Variants in RCBTB1 observed in about 807,000 individuals in gnomAD.
The protein encoded by RCBTB1 is RCC1 and BTB domain-containing protein 1.
A neutral mutation model predicts 62.4 loss-of-function variants in RCBTB1; 46 were observed. The observed-to-expected ratio is 0.74, with a 90% CI of 0.58 to 0.94. RCBTB1 has a LOEUF of 0.94. Among genes scored for constraint, RCBTB1 ranks in the 40% least tolerant of loss-of-function variants. RCBTB1 has a pLI of 0.00. For synonymous variants in RCBTB1, 222 were observed against 245.8 expected (o/e 0.90, Z 0.91); for missense variants, 565 against 654.9 (o/e 0.86, Z 1.50).
At chr13:49,585,376 A>T (rs1433866597) in intron 1 of RCBTB1, 68 bp downstream of exon 1, 5 of 151,834 alleles carry the variant, frequency 3.3e-5, no homozygotes, top group Non-Finnish European at 7.4e-5. Flanking sequence ...GCCTGCGGGG[A>T]AGGGAAGCAG....
At chr13:49,563,517 G>C (rs1962641454) in intron 4 of RCBTB1, among the ~76,000 whole-genome samples, 1 of 152,194 alleles carries the variant, frequency 6.6e-6, no homozygotes, top group Non-Finnish European at 1.5e-5. Flanking sequence ...ACAAAAATTA[G>C]CCAGGCATGG....
intron 6 of RCBTB1, among the ~76,000 whole-genome samples, chr13:49,552,794 A>G (rs1594285080): frequency 6.6e-6 from 1 of 151,728 alleles, no homozygotes; most frequent in South Asian, 2.1e-4. Context: ...GGAGAGCAAA[A>G]ACATTCCAAG....
chr13:49,575,870 A>G (rs772719408), intron 2 of RCBTB1, among the ~76,000 whole-genome samples: 1 of 152,120 alleles, frequency 6.6e-6, no homozygotes, highest in African/African-American at 2.4e-5. Context: ...AAACCTGCAT[A>G]TGTACTCCCT....
chr13:49,555,575 C>T lies in RCBTB1; in HGVS notation c.543G>A (p.Lys181=). The part of the protein sequence containing the change: ...PRKVTNCLHI[K]RVVGIACGQT... Reference sequence around the variant, plus strand: ...GACCACAGGCAATGCCAACTACCCTCTTAATATGTAAACAGTTTGTAACTT... The same window carrying T: ...GACCACAGGCAATGCCAACTACCCTTTTAATATGTAAACAGTTTGTAACTT... The change falls in exon 6 of 13, where the codon AAG becomes AAA. Residue 181 remains lysine, a synonymous_variant. Coordinates refer to ENST00000378302, the MANE Select transcript of RCBTB1 (RefSeq NM_018191.4). 1 of 1,613,882 alleles carries T rather than the reference C, an allele frequency of 6.2e-7. No individual in the cohort carries two copies. The highest frequency in any genetic ancestry group is 8.5e-7 in the Non-Finnish European group (1 of 1,179,798).
intron 10 of RCBTB1, among the ~76,000 whole-genome samples, chr13:49,542,411 CTTCCACTACTGT>C (rs1262911974): frequency 6.6e-6 from 1 of 152,118 alleles, no homozygotes; most frequent in Admixed American, 6.5e-5. Context: ...GTACCTAGCA[CTTCCACTACTGT>C]TTCCATTTGA....
intron 5 of RCBTB1, among the ~76,000 whole-genome samples, chr13:49,559,665 A>AAAAG (rs1555287767): frequency 6.6e-6 from 1 of 151,402 alleles, no homozygotes; most frequent in Admixed American, 6.6e-5. Context: ...CAAAAAAAAA[A>AAAAG]AAAAAAAGAA....
chr13:49,547,116 A>G (rs1960849918), intron 9 of RCBTB1: 4 of 1,286,282 alleles, frequency 3.1e-6, no homozygotes, highest in Middle Eastern at 2.2e-4. Flanking sequence ...TACATGTGCA[A>G]TTCTGGCCAA....
Position 49,532,070 on chromosome 13 carries a change from A to G in RCBTB1, c.*2052T>C, listed in dbSNP as rs555182313. On this transcript the variant is annotated 3_prime_UTR_variant, in exon 13 of 13. Coordinates refer to ENST00000378302, the MANE Select transcript of RCBTB1 (RefSeq NM_018191.4). The stretch of plus-strand genomic sequence containing the variant: ...CAAGAGTACATTTAGGGCTATCTTA[A>G]GAAATATGAATACTTTGGCTTCCAT... 1 of 152,806 alleles carries G rather than the reference A, an allele frequency of 6.5e-6. No homozygotes were observed. The highest frequency in any genetic ancestry group is 2.1e-4 in the South Asian group (1 of 4,826). The allele number at this position is 152,806 out of a possible 1,614,324, so 9.5% of individuals were successfully genotyped here. A position where few individuals can be genotyped will look rare whatever the true frequency, so the allele number is the denominator to read the frequency against.
intron 2 of RCBTB1, among the ~76,000 whole-genome samples, chr13:49,574,407 C>T (rs933087026): frequency 6.6e-6 from 1 of 152,226 alleles, no homozygotes; most frequent in African/African-American, 2.4e-5. Context: ...GCGTGAGCCA[C>T]CATGCTCGGC....
intron 4 of RCBTB1, among the ~76,000 whole-genome samples, chr13:49,562,806 T>TAA (rs1962554791): frequency 1.3e-5 from 1 of 74,166 alleles, no homozygotes; most frequent in African/African-American, 5.2e-5. Flanking sequence ...TTTTTTTTTT[T>TAA]AAGAGACATG....
intron 12 of RCBTB1, among the ~76,000 whole-genome samples, chr13:49,539,087 C>G (rs1369313564): frequency 6.6e-6 from 1 of 151,956 alleles, no homozygotes; most frequent in Non-Finnish European, 1.5e-5. Flanking sequence ...CCAGGCTGGT[C>G]TCAAACTCCT....
rs369057732 is a variant in RCBTB1 at position 49,546,808 on chromosome 13, C to G, written c.1046-1945G>C. On this transcript the variant is annotated intron_variant, in intron 9 of 12. Coordinates refer to ENST00000378302, the MANE Select transcript of RCBTB1 (RefSeq NM_018191.4). The stretch of plus-strand genomic sequence containing the variant: ...GAGTGATGGGGAGCAGCTGTAAATA[C>G]AGATGAAGCTTCGCTCACTGCCACT... The G allele has an allele frequency of 2.1e-5, 5 of 243,172 alleles. No individual in the cohort carries two copies. In the East Asian group the frequency reaches 9.0e-4, roughly 44 times the overall value. The allele number at this position is 243,172 out of a possible 1,614,324, so 15.1% of individuals were successfully genotyped here.
intron 5 of RCBTB1, among the ~76,000 whole-genome samples, chr13:49,558,872 T>C (rs1048389185): frequency 6.6e-5 from 10 of 152,204 alleles, no homozygotes; most frequent in African/African-American, 2.2e-4. Context: ...ATTTATTCCT[T>C]GACTTAACCC....
rs532590438 is a variant in RCBTB1 at position 49,559,695 on chromosome 13, G to A, written c.444+223C>T. 5.3e-4 allele frequency among the ~76,000 whole-genome samples: 80 copies of A among 151,832 alleles called. 1 individual carries two copies. Among genetic ancestry groups the A allele is most frequent in the Middle Eastern group, 3.4e-3 (1 of 292 alleles). Reference sequence around the variant, plus strand: ...AAAGAAAGTTGTTGTCAGGGGCTGGGGGAGGACAGAATGGGAGTGAATGTT... The same window carrying A: ...AAAGAAAGTTGTTGTCAGGGGCTGGAGGAGGACAGAATGGGAGTGAATGTT... On this transcript the variant is annotated intron_variant, in intron 5 of 12. Coordinates refer to ENST00000378302, the MANE Select transcript of RCBTB1 (RefSeq NM_018191.4).
rs150332958 is a variant in RCBTB1, at chr13:49,572,084, T to C, written c.-41-4764A>G. Among the ~76,000 whole-genome samples, 382 of 152,230 alleles carry C rather than the reference T, an allele frequency of 2.5e-3. 5 individuals carry two copies. Among genetic ancestry groups the C allele is most frequent in the African/African-American group, 8.7e-3 (362 of 41,536 alleles). On this transcript the variant is annotated intron_variant, in intron 2 of 12. Transcript: ENST00000378302. ...GCTCACACTTGTAATTCCAGCACTTTGGGAGGTAGAGGCAGGCAGATCACT... is the reference window on the plus strand; with the variant it reads ...GCTCACACTTGTAATTCCAGCACTTCGGGAGGTAGAGGCAGGCAGATCACT...
At chr13:49,577,757 G>C (rs956333584) in intron 2 of RCBTB1, among the ~76,000 whole-genome samples, 1 of 152,194 alleles carries the variant, frequency 6.6e-6, no homozygotes, top group Non-Finnish European at 1.5e-5. Flanking sequence ...GAAGGGCTCT[G>C]AATGTTGGAA....
chr13:49,549,303 T>G (rs1353607955), intron 9 of RCBTB1, among the ~76,000 whole-genome samples, 155 bp downstream of exon 9: 1 of 152,042 alleles, frequency 6.6e-6, no homozygotes, highest in African/African-American at 2.4e-5. Context: ...AATATATGAA[T>G]ACATTTGATT....
Position 49,564,783 on chromosome 13 carries a change from C to T in RCBTB1, c.277+1835G>A, listed in dbSNP as rs1467492930. 4.6e-5 allele frequency among the ~76,000 whole-genome samples: 7 copies of T among 151,168 alleles called. No individual in the cohort carries two copies. In the South Asian group the frequency reaches 6.3e-4, roughly 14 times the overall value. On this transcript the variant is annotated intron_variant, in intron 4 of 12. Coordinates refer to ENST00000378302, the MANE Select transcript of RCBTB1 (RefSeq NM_018191.4). The stretch of plus-strand genomic sequence containing the variant: ...GCGGGCGCCAGTAGTCCCAGCTACT[C>T]GGGAGGCTGAGGCAGGAGAATGGCG...
At chr13:49,584,312 T>C (rs1000445593) in intron 1 of RCBTB1, among the ~76,000 whole-genome samples, 1 of 152,204 alleles carries the variant, frequency 6.6e-6, no homozygotes, top group African/African-American at 2.4e-5. Flanking sequence ...AGAAACAGAC[T>C]AGCGGGTAGA....
Sources: allele counts gnomAD v4.1 joint callset (sites outside exome capture counted in the v4.1 genomes callset), GRCh38; gene constraint gnomAD v4.1.1; transcripts MANE v1.5; gene names NCBI Gene and HGNC (gene_info 2026-07-23, HGNC 2026-07-21).